AGPAT5: variants seen among roughly 807,000 people sequenced by gnomAD.
The protein encoded by AGPAT5 is 1-acyl-sn-glycerol-3-phosphate acyltransferase epsilon.
A neutral mutation model predicts 45.6 loss-of-function variants in AGPAT5; 46 were observed. That is an observed-to-expected ratio of 1.01 (90% CI 0.80 to 1.29). The LOEUF is 1.29. Among genes scored for constraint, AGPAT5 ranks in the 50% most tolerant of loss-of-function variants. AGPAT5 has a pLI of 0.00. For missense variants in AGPAT5, 673 were observed against 450.7 expected, an observed-to-expected ratio of 1.49 and a Z score of -4.47; for synonymous variants, 272 against 167.0, an observed-to-expected ratio of 1.63 and a Z score of -4.85.
intron 6 of AGPAT5, among the ~76,000 whole-genome samples, chr8:6,748,822 C>G (rs1333796358): frequency 2.6e-5 from 4 of 152,114 alleles, no homozygotes; most frequent in African/African-American, 9.7e-5. Flanking sequence ...CTATGTATGT[C>G]AGTGTGCTTG....
intron 3 of AGPAT5, among the ~76,000 whole-genome samples, chr8:6,731,437 T>C (rs1800859918): frequency 6.6e-6 from 1 of 152,200 alleles, no homozygotes; most frequent in Non-Finnish European, 1.5e-5. Context: ...CTTTAAATCA[T>C]CTCTAGATTA....
chr8:6,729,543 A>G (rs1011305042), intron 2 of AGPAT5, among the ~76,000 whole-genome samples: 15 of 152,082 alleles, frequency 9.9e-5, no homozygotes, highest in African/African-American at 3.6e-4. Flanking sequence ...TCTCATCAGG[A>G]GATAGTTTGT....
intron 4 of AGPAT5, among the ~76,000 whole-genome samples, chr8:6,740,543 A>G (rs1801214726): frequency 6.7e-6 from 1 of 149,938 alleles, no homozygotes; most frequent in Non-Finnish European, 1.5e-5. Context: ...GATACATATA[A>G]TATTATCTGT....
rs141952196 is a variant in AGPAT5, at chr8:6,732,191, C to T, written c.406-370C>T. On this transcript the variant is annotated intron_variant, in intron 3 of 7. Transcript: ENST00000285518. The stretch of plus-strand genomic sequence containing the variant: ...TAAAGATCGTGAGACATGTTAAGGA[C>T]GCTTTTTAGTGACTCTGTAATAAGT... 2.6e-3 allele frequency among the ~76,000 whole-genome samples: 376 copies of T among 142,436 alleles called. 1 individual carries two copies. Among genetic ancestry groups the T allele is most frequent in the Middle Eastern group, 0.026 (7 of 270 alleles). 93.4% of individuals were successfully genotyped at this position (142,436 alleles called of 152,430 possible).
chr8:6,713,659 T>C (rs1306480961), intron 1 of AGPAT5, among the ~76,000 whole-genome samples: 1 of 152,008 alleles, frequency 6.6e-6, no homozygotes, highest in Admixed American at 6.6e-5. Flanking sequence ...GCTCAAGCGG[T>C]CCTCCCACCT....
chr8:6,745,909 C>T (rs1166779596), intron 5 of AGPAT5: 2 of 152,112 alleles, frequency 1.3e-5, no homozygotes, highest in African/African-American at 2.4e-5. Flanking sequence ...TTCCTTCAGC[C>T]TCAGTATGCC....
intron 1 of AGPAT5, among the ~76,000 whole-genome samples, chr8:6,715,940 C>T (rs1260613534): frequency 6.6e-6 from 1 of 152,098 alleles, no homozygotes; most frequent in South Asian, 2.1e-4. Flanking sequence ...TGAAGCATGG[C>T]ATTCAAGGTT....
rs1587028865 is a variant in AGPAT5 at position 6,732,642 on chromosome 8, G to A, written c.487G>A (p.Gly163Arg). 1 of 1,606,458 alleles carries A rather than the reference G, an allele frequency of 6.2e-7. No homozygotes were observed. The highest frequency in any genetic ancestry group is 8.5e-7 in the Non-Finnish European group (1 of 1,177,912). Reference protein sequence around the residue: ...RNKLQSYVDAGTPMYLVIFPE... With the variant: ...RNKLQSYVDARTPMYLVIFPE... ...CAAGTTGCAGAGCTACGTGGACGCA[G>A]GAACTCCAGTAAGAGCCTACCCGTT... Residue 163 changes from glycine (G) to arginine (R), a missense_variant, in exon 4 of 8, where the codon GGA becomes AGA. Gly to Arg is a moderately radical substitution (Grantham distance 125). Coordinates refer to ENST00000285518, the MANE Select transcript of AGPAT5 (RefSeq NM_018361.5).
chr8:6,757,615 T>C lies in AGPAT5; in HGVS notation c.*227T>C. The C allele has an allele frequency of 2.0e-6, 1 of 494,280 alleles. No individual in the cohort carries two copies. Among genetic ancestry groups the C allele is most frequent in the East Asian group, 3.4e-5 (1 of 29,624 alleles). The allele number at this position is 494,280 out of a possible 1,614,324, so 30.6% of individuals were successfully genotyped here. On this transcript the variant is annotated 3_prime_UTR_variant, in exon 8 of 8. Transcript: ENST00000285518. ...GGCTGCTGGAAGGGTAAAAGCTAAA[T>C]GGAGTTTCTCCTGCTCTGTCCATTT...
At chr8:6,738,650 A>G (rs1488296559) in intron 4 of AGPAT5, 2 of 152,252 alleles carry the variant, frequency 1.3e-5, no homozygotes, top group East Asian at 3.8e-4. Flanking sequence ...CGTGAAGCTC[A>G]GTAAAGCGAA....
At chr8:6,728,541 T>G (rs1204407481) in intron 2 of AGPAT5, among the ~76,000 whole-genome samples, 1 of 152,228 alleles carries the variant, frequency 6.6e-6, no homozygotes, top group Non-Finnish European at 1.5e-5. Context: ...ACACTTTCTC[T>G]TAAAAGTTCT....
intron 1 of AGPAT5, among the ~76,000 whole-genome samples, chr8:6,722,316 C>G (rs1800528710): frequency 6.6e-6 from 1 of 152,146 alleles, no homozygotes; most frequent in Non-Finnish European, 1.5e-5. Flanking sequence ...CAAAATAATC[C>G]TTATGCCAAA....
At chr8:6,715,903 T>C (rs747745103) in intron 1 of AGPAT5, among the ~76,000 whole-genome samples, 2 of 152,204 alleles carry the variant, frequency 1.3e-5, no homozygotes, top group Non-Finnish European at 2.9e-5. Flanking sequence ...AGGTTTTCAA[T>C]TGATAACATA....
rs1801964036 is a variant in AGPAT5 at position 6,759,641 on chromosome 8, A to G, written c.*2253A>G. 6.6e-6 allele frequency: 1 copy of G among 152,204 alleles called. No individual in the cohort carries two copies. Among genetic ancestry groups the G allele is most frequent in the Non-Finnish European group, 1.5e-5 (1 of 68,038 alleles). 9.4% of individuals were successfully genotyped at this position (152,204 alleles called of 1,614,324 possible). A position where few individuals can be genotyped will look rare whatever the true frequency, so the allele number is the denominator to read the frequency against. On this transcript the variant is annotated 3_prime_UTR_variant, in exon 8 of 8. Coordinates refer to ENST00000285518, the MANE Select transcript of AGPAT5 (RefSeq NM_018361.5). ...TGTGTTTGGATGAAAGTAAAAAAAA[A>G]AATAAAATCTTTCACTGTCTCTAAT... is the stretch of plus-strand genomic sequence containing the variant.
chr8:6,710,047 T>C (rs1379391452), intron 1 of AGPAT5, among the ~76,000 whole-genome samples: 4 of 152,358 alleles, frequency 2.6e-5, no homozygotes, highest in Non-Finnish European at 4.4e-5. Flanking sequence ...ATTTTTATCA[T>C]GATTAAGTTT....
At chr8:6,733,463 C>G (rs1800939617) in intron 4 of AGPAT5, among the ~76,000 whole-genome samples, 2 of 152,146 alleles carry the variant, frequency 1.3e-5, no homozygotes, top group Admixed American at 6.5e-5. Context: ...ATTCACATGC[C>G]TCTTCTAGGT....
chr8:6,742,061 G>T (rs764771398), intron 5 of AGPAT5, among the ~76,000 whole-genome samples: 1 of 152,110 alleles, frequency 6.6e-6, no homozygotes, highest in Non-Finnish European at 1.5e-5. Context: ...ACAGTGTATG[G>T]GTTATATGTA....
intron 6 of AGPAT5, among the ~76,000 whole-genome samples, chr8:6,752,875 A>G (rs982319475): frequency 1.3e-5 from 2 of 152,162 alleles, no homozygotes; most frequent in African/African-American, 2.4e-5. Flanking sequence ...AACCTCCTAA[A>G]TGGCATTTGA....
At position 6,760,417 on chromosome 8, in the gene AGPAT5, TATAGAA is replaced by T. The variant is rs1268438763; in HGVS notation, c.*3033_*3038del. Among the ~76,000 whole-genome samples, 1 of 151,810 alleles carries T rather than the reference TATAGAA, an allele frequency of 6.6e-6. No individual in the cohort carries two copies. Among genetic ancestry groups the T allele is most frequent in the East Asian group, 1.9e-4 (1 of 5,192 alleles). ...CAACTCTTAGAAAATGAAAAGGAAA[TATAGAA>T]ATATAAAATTTGCTTATTATAGACA... is the stretch of plus-strand genomic sequence containing the variant. On this transcript the variant is annotated 3_prime_UTR_variant, in exon 8 of 8. Coordinates refer to ENST00000285518, the MANE Select transcript of AGPAT5 (RefSeq NM_018361.5).
Sources: gnomAD v4.1 joint callset for allele counts (sites outside exome capture counted in the v4.1 genomes callset) on GRCh38, gnomAD v4.1.1 for gene constraint, MANE v1.5 for transcripts, NCBI Gene and HGNC (gene_info 2026-07-23, HGNC 2026-07-21) for gene names.